Variants in SLC2A2 observed in about 807,000 individuals in gnomAD.
The protein encoded by SLC2A2 is solute carrier family 2 member 2.
Under a neutral mutation model 54.5 loss-of-function variants are expected in SLC2A2, and 36 were observed. The ratio of observed to expected loss-of-function variants is 0.66; its 90% CI spans 0.51 to 0.87. The LOEUF (loss-of-function observed/expected upper bound fraction) is 0.87, where lower values mean the gene tolerates loss of function less well. SLC2A2 is among the 40% of genes least tolerant of loss of function. SLC2A2 has a pLI of 0.00. For synonymous variants in SLC2A2, 223 were observed against 219.1 expected, an observed-to-expected ratio of 1.02 and a Z score of -0.16; for missense variants, 543 against 624.3, an observed-to-expected ratio of 0.87 and a Z score of 1.39.
chr3:171,025,978 G>T (rs1199404574), intron 1 of SLC2A2, among the ~76,000 whole-genome samples: 2 of 151,962 alleles, frequency 1.3e-5, no homozygotes, highest in East Asian at 3.8e-4. Flanking sequence ...TGTAGTGTTT[G>T]TGTGTGTGTG....
chr3:171,018,341 T>TC (rs1039156951), intron 2 of SLC2A2, among the ~76,000 whole-genome samples, 190 bp downstream of exon 2: 4 of 150,472 alleles, frequency 2.7e-5, no homozygotes, highest in African/African-American at 7.5e-5. Context: ...TCCTTTTTTT[T>TC]CCCCCGTGAT....
intron 2 of SLC2A2, among the ~76,000 whole-genome samples, chr3:171,017,071 C>T (rs1273812960): frequency 3.3e-5 from 5 of 151,870 alleles, no homozygotes; most frequent in Non-Finnish European, 4.4e-5. Context: ...AGGCTGGTCT[C>T]GAACTCCCGA....
chr3:171,018,819 T>G (rs1290446115), intron 1 of SLC2A2, among the ~76,000 whole-genome samples, 196 bp from the exon 2 acceptor site: 2 of 152,040 alleles, frequency 1.3e-5, no homozygotes, highest in African/African-American at 4.8e-5. Flanking sequence ...TCATTTCCCC[T>G]ATGCTGCTAA....
At chr3:171,022,102 A>T (rs1389202843) in intron 1 of SLC2A2, among the ~76,000 whole-genome samples, 1 of 152,222 alleles carries the variant, frequency 6.6e-6, no homozygotes, top group Non-Finnish European at 1.5e-5. Flanking sequence ...GAGGACGATT[A>T]TTCTGTCTAC....
chr3:171,026,531 A>C, intron 1 of SLC2A2, 125 bp downstream of exon 1: 1 of 830,140 alleles, frequency 1.2e-6, no homozygotes, highest in Admixed American at 1.7e-5. Flanking sequence ...TGGCAAAGTA[A>C]AGAGAATTAA....
chr3:170,997,911 T>C lies in SLC2A2; in HGVS notation c.1567A>G (p.Thr523Ala). The C allele has an allele frequency of 6.2e-7, 1 of 1,612,372 alleles. No homozygotes were observed. The highest frequency in any genetic ancestry group is 1.3e-5 in the African/African-American group (1 of 74,902). The change falls in exon 11 of 11, where the codon ACT (threonine) becomes GCT (alanine). Residue 523 changes from threonine to alanine, a missense_variant. Coordinates refer to ENST00000314251, the MANE Select transcript of SLC2A2 (RefSeq NM_000340.2). ...AAAGCAGGGTTTTTTTTTTACACAG[T>C]CTCTGTAGCTCCTAGGAATTTCATT... is the stretch of plus-strand genomic sequence containing the variant. ...VEMKFLGATE[T>A]V
rs746295534 is a variant in SLC2A2 at position 171,009,950 on chromosome 3, T to TGTGTGA, written c.496+7_496+8insTCACAC. 2.2e-5 allele frequency: 34 copies of TGTGTGA among 1,541,614 alleles called. No individual in the cohort carries two copies. In the African/African-American group the frequency reaches 4.3e-4, roughly 20 times the overall value. Reference sequence around the variant, plus strand: ...GTGTGTGTGTGTGTGTGTGTGTGTGTGACTTACCACAATATAGTCCTGATA... The same window carrying TGTGTGA: ...GTGTGTGTGTGTGTGTGTGTGTGTGTGTGTGAGACTTACCACAATATAGTCCTGATA... On this transcript the variant is annotated splice_region_variant and intron_variant, in intron 4 of 10. Coordinates refer to ENST00000314251, the MANE Select transcript of SLC2A2 (RefSeq NM_000340.2).
intron 2 of SLC2A2, among the ~76,000 whole-genome samples, chr3:171,015,334 G>A (rs1487133055): frequency 6.6e-6 from 1 of 152,042 alleles, no homozygotes; most frequent in Non-Finnish European, 1.5e-5. Context: ...CCCAGGCATG[G>A]TGGCACATGC....
rs372845210 is a variant in SLC2A2, at chr3:170,999,160, G to A, written c.1075C>T (p.Leu359Phe). The A allele has an allele frequency of 1.9e-6, 3 of 1,591,046 alleles. No homozygotes were observed. The highest frequency in any genetic ancestry group is 2.6e-6 in the Non-Finnish European group (3 of 1,159,370). Residue 359 changes from leucine (L) to phenylalanine (F), a missense_variant, in exon 9 of 11, where the codon CTT becomes TTT. Transcript: ENST00000314251. ...GAACGTCGCCCTGCCTTCTCCACAA[G>A]GAATACCTAGGACAATTTTAAAGAA... Reference protein sequence around the residue: ...NMVFTAVSVFLVEKAGRRSLF... With the variant: ...NMVFTAVSVFFVEKAGRRSLF...
At chr3:171,019,434 TCTCCCCAA>T (rs1162821774) in intron 1 of SLC2A2, among the ~76,000 whole-genome samples, 2 of 151,938 alleles carry the variant, frequency 1.3e-5, no homozygotes, top group Non-Finnish European at 2.9e-5. Context: ...GCCATTATTT[TCTCCCCAA>T]CTCCCCAACT....
chr3:171,005,426 A>C lies in SLC2A2; in HGVS notation c.822T>G (p.Asn274Lys). ...CTTCTTCTCTTTCTTTTCTCATTTC[A>C]TTAATATCTTTGGTGACATCATCAT... The part of the protein sequence containing the change: ...RGYDDVTKDI[N>K]EMRKEREEAS... The change falls in exon 7 of 11, where the codon AAT (asparagine) becomes AAG (lysine). Residue 274 changes from asparagine to lysine, a missense_variant. Physicochemically the swap from Asn to Lys is moderately conservative, Grantham distance 94. Transcript: ENST00000314251. The C allele has an allele frequency of 6.2e-7, 1 of 1,612,670 alleles. No individual in the cohort carries two copies. The highest frequency in any genetic ancestry group is 8.5e-7 in the Non-Finnish European group (1 of 1,179,180).
rs543392003 is a variant in SLC2A2, at chr3:171,005,280, C to T, written c.963+5G>A. 3.1e-6 allele frequency: 5 copies of T among 1,612,332 alleles called. No homozygotes were observed. The South Asian group carries it at 5.5e-5, about 18-fold the overall frequency. ...TTAAGAGTTAGTGGGTGTTCTTAAACTTACGCCATTGATTCCGGAAAATTG... is the reference window on the plus strand; with the variant it reads ...TTAAGAGTTAGTGGGTGTTCTTAAATTTACGCCATTGATTCCGGAAAATTG... On this transcript the variant is annotated splice_donor_5th_base_variant and intron_variant, in intron 7 of 10. Transcript: ENST00000314251.
chr3:171,009,912 GGTGTGTGTGTGTGTGTGT>G (rs71176588), intron 4 of SLC2A2, 28 bp downstream of exon 4: 33 of 1,324,476 alleles, frequency 2.5e-5, no homozygotes, highest in South Asian at 1.4e-4. Flanking sequence ...GACAAAGGTA[GGTGTGTGTGTGTGTGTGT>G]GTGTGTGTGT....
chr3:171,009,209 C>G (rs1225239477), intron 4 of SLC2A2, among the ~76,000 whole-genome samples: 1 of 152,120 alleles, frequency 6.6e-6, no homozygotes, highest in African/African-American at 2.4e-5. Context: ...CAGATGTCTG[C>G]TAATTAGTTG....
intron 6 of SLC2A2, 74 bp downstream of exon 6, chr3:171,005,869 G>A (rs1023725795): frequency 7.1e-7 from 1 of 1,413,520 alleles, no homozygotes; most frequent in Non-Finnish European, 1.0e-6. Context: ...CCAACTTCAT[G>A]TGGAAAGCAC....
intron 3 of SLC2A2, among the ~76,000 whole-genome samples, chr3:171,012,094 G>T (rs948360936): frequency 6.6e-6 from 1 of 152,028 alleles, no homozygotes; most frequent in Admixed American, 6.6e-5. Flanking sequence ...GATTATTGTC[G>T]TGGTCATGGT....
chr3:170,998,445 T>G, intron 9 of SLC2A2, 49 bp from the exon 10 acceptor site: 3 of 1,516,742 alleles, frequency 2.0e-6, no homozygotes, highest in Non-Finnish European at 2.7e-6. Flanking sequence ...ATTTGGCTGC[T>G]TTTTCCTTTA....
chr3:171,008,159 T>C (rs768842781), intron 4 of SLC2A2, among the ~76,000 whole-genome samples: 1 of 152,144 alleles, frequency 6.6e-6, no homozygotes, highest in Non-Finnish European at 1.5e-5. Context: ...AGAAACTACC[T>C]GCCTATCAAA....
At chr3:171,011,095 AT>A (rs1229702808) in intron 3 of SLC2A2, among the ~76,000 whole-genome samples, 6 of 150,290 alleles carry the variant, frequency 4.0e-5, no homozygotes, top group South Asian at 4.2e-4. Flanking sequence ...ACCAAACAGA[AT>A]TTTTTTTTTC....
Sources: allele counts gnomAD v4.1 joint callset (sites outside exome capture counted in the v4.1 genomes callset), GRCh38; gene constraint gnomAD v4.1.1; transcripts MANE v1.5; gene names NCBI Gene and HGNC (gene_info 2026-07-23, HGNC 2026-07-21).